The following SNTG2 variants were observed in gnomAD, a reference collection of about 807,000 sequenced individuals.
The protein encoded by SNTG2 is syntrophin gamma 2.
SNTG2 carries 74 observed loss-of-function variants against 70.9 expected under a neutral mutation model. The ratio of observed to expected loss-of-function variants is 1.04; its 90% CI spans 0.86 to 1.27. The LOEUF is 1.27. SNTG2 is among the 50% of genes most tolerant of loss of function. The pLI is 0.00. For synonymous variants in SNTG2, 278 were observed against 273.8 expected (o/e 1.02, Z -0.15); for missense variants, 717 against 690.7 (o/e 1.04, Z -0.43).
intron 1 of SNTG2, among the ~76,000 whole-genome samples, chr2:1,043,580 G>A (rs751716362): frequency 3.3e-5 from 5 of 151,998 alleles, no homozygotes; most frequent in Non-Finnish European, 5.9e-5. Context: ...ATCTTAAGTT[G>A]ATTTTTGTAT....
At chr2:1,146,641 G>A (rs140838879) in intron 6 of SNTG2, among the ~76,000 whole-genome samples, 53 of 152,294 alleles carry the variant, frequency 3.5e-4, no homozygotes, top group African/African-American at 1.2e-3. Flanking sequence ...CTGATTATAA[G>A]ACTTACTATA....
At chr2:1,238,654 C>T (rs1296368838) in intron 10 of SNTG2, among the ~76,000 whole-genome samples, 11 of 152,214 alleles carry the variant, frequency 7.2e-5, no homozygotes, top group Admixed American at 2.0e-4. Flanking sequence ...GACATGGAGC[C>T]GTGGCCGCAG....
At chr2:1,132,052 C>T (rs1668052437) in intron 4 of SNTG2, among the ~76,000 whole-genome samples, 1 of 152,148 alleles carries the variant, frequency 6.6e-6, no homozygotes, top group Non-Finnish European at 1.5e-5. Context: ...ATCAAATACA[C>T]ATTCTCATAT....
intron 16 of SNTG2, among the ~76,000 whole-genome samples, chr2:1,356,637 A>AT (rs1316357045): frequency 2.0e-5 from 3 of 152,276 alleles, no homozygotes; most frequent in Non-Finnish European, 2.9e-5. Flanking sequence ...CTTTCTCAAC[A>AT]TTGCCCTAGC....
intron 14 of SNTG2, among the ~76,000 whole-genome samples, chr2:1,299,838 G>T (rs958729638): frequency 6.6e-6 from 1 of 152,214 alleles, no homozygotes; most frequent in African/African-American, 2.4e-5. Context: ...GAGGATGAAA[G>T]CACCATCTCG....
chr2:1,245,180 G>A (rs1307463351), intron 11 of SNTG2, among the ~76,000 whole-genome samples: 1 of 149,358 alleles, frequency 6.7e-6, no homozygotes, highest in Admixed American at 6.7e-5. Flanking sequence ...TAGATGACAC[G>A]TTAGTGGGTG....
At chr2:1,140,509 C>A (rs1420301881) in intron 6 of SNTG2, among the ~76,000 whole-genome samples, 1 of 152,238 alleles carries the variant, frequency 6.6e-6, no homozygotes, top group Admixed American at 6.5e-5. Context: ...CTGCCGGTTC[C>A]TCTCGTACCT....
intron 6 of SNTG2, among the ~76,000 whole-genome samples, chr2:1,138,243 C>A (rs752075982): frequency 6.6e-6 from 1 of 152,180 alleles, no homozygotes; most frequent in Admixed American, 6.5e-5. Flanking sequence ...CAGCAGCACA[C>A]GTGCATAGAA....
chr2:1,070,694 G>A (rs553673672), intron 1 of SNTG2, among the ~76,000 whole-genome samples: 3 of 152,272 alleles, frequency 2.0e-5, no homozygotes, highest in East Asian at 1.9e-4. Flanking sequence ...ATAGCCGCAC[G>A]TTGAGAGTTA....
chr2:973,056 A>G (rs1660793550), intron 1 of SNTG2, among the ~76,000 whole-genome samples: 1 of 152,184 alleles, frequency 6.6e-6, no homozygotes, highest in Non-Finnish European at 1.5e-5. Context: ...TTTTGCTTCC[A>G]TGTTTTTAGG....
intron 12 of SNTG2, among the ~76,000 whole-genome samples, chr2:1,255,063 G>C (rs1677971416): frequency 6.6e-6 from 1 of 152,136 alleles, no homozygotes. Context: ...TGCGGTCCTG[G>C]AAAATCGTGT....
At chr2:1,162,059 G>GC (rs551518745) in intron 6 of SNTG2, among the ~76,000 whole-genome samples, 1 of 113,776 alleles carries the variant, frequency 8.8e-6, no homozygotes, top group Non-Finnish European at 1.7e-5. Context: ...GGGCGACAGT[G>GC]AGACTCCGTC....
At chr2:1,002,253 A>G (rs1659420433) in intron 1 of SNTG2, among the ~76,000 whole-genome samples, 1 of 152,178 alleles carries the variant, frequency 6.6e-6, no homozygotes, top group Admixed American at 6.5e-5. Context: ...ACATCCCAAA[A>G]ATAGACAAAT....
rs1572719665 is a variant in SNTG2 at position 1,204,845 on chromosome 2, C to G, written c.592-4258C>G. ...CAGTTTTCAGGCATTCACTGGGAGT[C>G]TTTTTTATATTCAAGAAATGCTTAT... On this transcript the variant is annotated intron_variant, in intron 8 of 16. Transcript: ENST00000308624. Among the ~76,000 whole-genome samples the G allele has an allele frequency of 2.0e-5, 3 of 152,094 alleles. No homozygotes were observed. The South Asian group carries it at 6.2e-4, about 31-fold the overall frequency.
At chr2:992,210 A>T (rs960870789) in intron 1 of SNTG2, among the ~76,000 whole-genome samples, 1 of 152,210 alleles carries the variant, frequency 6.6e-6, no homozygotes, top group African/African-American at 2.4e-5. Context: ...AGGTACATTC[A>T]CAGAACAGGA....
At position 1,215,698 on chromosome 2, in the gene SNTG2, TC is replaced by T. The variant is rs1352826977; in HGVS notation, c.719+6474del. On this transcript the variant is annotated intron_variant, in intron 9 of 16. Transcript: ENST00000308624. ...TATGCATATCTCCTAATGCTATCCC[TC>T]CCCCCTCCCCCAACCCCATGACAGG... 5.1e-5 allele frequency among the ~76,000 whole-genome samples: 6 copies of T among 117,728 alleles called. 1 individual carries two copies. Among genetic ancestry groups the T allele is most frequent in the African/African-American group, 1.9e-4 (6 of 31,788 alleles). The allele number at this position is 117,728 out of a possible 152,430, so 77.2% of individuals were successfully genotyped here. A position where few individuals can be genotyped will look rare whatever the true frequency, so the allele number is the denominator to read the frequency against.
intron 1 of SNTG2, among the ~76,000 whole-genome samples, chr2:1,046,338 G>A (rs893501486): frequency 1.3e-5 from 2 of 152,018 alleles, no homozygotes; most frequent in Non-Finnish European, 2.9e-5. Flanking sequence ...CTTTTTAATG[G>A]GACATCAGCA....
chr2:1,114,126 G>A (rs148000481), intron 4 of SNTG2, among the ~76,000 whole-genome samples: 11,839 of 147,714 alleles, frequency 0.08, 587 homozygotes, highest in Middle Eastern at 0.11. Context: ...GAGGAGGATC[G>A]TGTGTACTAA....
chr2:1,095,770 C>A (rs1665351596), intron 2 of SNTG2, among the ~76,000 whole-genome samples: 1 of 152,198 alleles, frequency 6.6e-6, no homozygotes, highest in Non-Finnish European at 1.5e-5. Context: ...CAAATACTTA[C>A]ACTAACAGCT....
Sources: allele counts gnomAD v4.1 joint callset (sites outside exome capture counted in the v4.1 genomes callset), GRCh38; gene constraint gnomAD v4.1.1; transcripts MANE v1.5; gene names NCBI Gene and HGNC (gene_info 2026-07-23, HGNC 2026-07-21).